TTC8: variants seen among roughly 807,000 people sequenced by gnomAD.
The protein encoded by TTC8 is tetratricopeptide repeat protein 8.
A neutral mutation model predicts 72.5 loss-of-function variants in TTC8; 47 were observed. That is an observed-to-expected ratio of 0.65 (90% confidence interval 0.51 to 0.83). The LOEUF (loss-of-function observed/expected upper bound fraction) is 0.83, where lower values mean the gene tolerates loss of function less well. TTC8 is among the 40% of genes least tolerant of loss of function. The probability of loss-of-function intolerance (pLI) is 0.00; values close to 1 mark genes in which losing one functional copy is unlikely to be tolerated. For synonymous variants in TTC8, 199 were observed against 221.4 expected (o/e 0.90, Z 0.90); for missense variants, 611 against 623.2 (o/e 0.98, Z 0.21).
intron 1 of TTC8, among the ~76,000 whole-genome samples, chr14:88,829,367 A>G (rs1297604287): frequency 6.6e-6 from 1 of 152,240 alleles, no homozygotes; most frequent in Non-Finnish European, 1.5e-5. Context: ...ACTGTGACCT[A>G]GAGAGAATGT....
chr14:88,825,875 AC>A (rs768480714), intron 1 of TTC8, among the ~76,000 whole-genome samples: 8 of 152,362 alleles, frequency 5.3e-5, no homozygotes, highest in Non-Finnish European at 7.3e-5. Flanking sequence ...AGAACAGCCT[AC>A]GTTAGTGGTA....
intron 2 of TTC8, among the ~76,000 whole-genome samples, chr14:88,837,323 C>T (rs2094757376): frequency 6.6e-6 from 1 of 152,130 alleles, no homozygotes; most frequent in Non-Finnish European, 1.5e-5. Context: ...CCGCTGGGCC[C>T]AATTCTTCAC....
chr14:88,840,755 T>C (rs1467795876), intron 3 of TTC8, 110 bp from the exon 4 acceptor site: 3 of 1,008,520 alleles, frequency 3.0e-6, no homozygotes, highest in East Asian at 2.6e-5. Flanking sequence ...CATTTCTTGC[T>C]ATTAATGTCT....
intron 1 of TTC8, among the ~76,000 whole-genome samples, chr14:88,829,713 G>A (rs2140954163): frequency 6.6e-6 from 1 of 152,134 alleles, no homozygotes; most frequent in East Asian, 1.9e-4. Flanking sequence ...AATGAGAGAT[G>A]TTACAGAGAG....
intron 2 of TTC8, among the ~76,000 whole-genome samples, chr14:88,838,452 G>A (rs1467935546): frequency 6.6e-6 from 1 of 152,086 alleles, no homozygotes; most frequent in African/African-American, 2.4e-5. Flanking sequence ...CCTTCACTGA[G>A]CCTGCTTGAC....
chr14:88,862,541 C>CATATATATATATAT (rs71130022), intron 10 of TTC8, among the ~76,000 whole-genome samples: 8 of 23,812 alleles, frequency 3.4e-4, no homozygotes, highest in Non-Finnish European at 4.9e-4. Flanking sequence ...TCTCTCTCTC[C>CATATATATATATAT]ATATATATAT....
At chr14:88,838,877 A>G (rs890357510) in intron 2 of TTC8, among the ~76,000 whole-genome samples, 1 of 152,192 alleles carries the variant, frequency 6.6e-6, no homozygotes, top group Non-Finnish European at 1.5e-5. Flanking sequence ...TTCAACCAAC[A>G]TTTCTTGAAT....
Position 88,871,544 on chromosome 14 carries a change from A to T in TTC8, c.1050-5A>T, listed in dbSNP as rs754282465. The T allele has an allele frequency of 2.4e-5, 38 of 1,613,234 alleles. No homozygotes were observed. Among genetic ancestry groups the T allele is most frequent in the Non-Finnish European group, 3.2e-5 (38 of 1,179,904 alleles). Reference sequence around the variant, plus strand: ...ACCAAAATTTGTGTGTTCTTTTTTGAAAAGGCGGCTGCTGCAGATGGGCAT... The same window carrying T: ...ACCAAAATTTGTGTGTTCTTTTTTGTAAAGGCGGCTGCTGCAGATGGGCAT... On this transcript the variant is annotated splice_region_variant and splice_polypyrimidine_tract_variant and intron_variant, in intron 11 of 14. Transcript: ENST00000380656. The surrounding 1 kb of genome is among the most constrained non-coding windows in gnomAD (Gnocchi z 4.1).
chr14:88,835,278 C>G (rs2094745512), intron 2 of TTC8, among the ~76,000 whole-genome samples: 1 of 152,166 alleles, frequency 6.6e-6, no homozygotes, highest in South Asian at 2.1e-4. Flanking sequence ...ACATGCTTTG[C>G]TCAGTCAGCA....
At chr14:88,839,659 T>TCC in intron 3 of TTC8, 87 bp downstream of exon 3, 2 of 1,423,622 alleles carry the variant, frequency 1.4e-6, no homozygotes, top group Non-Finnish European at 2.0e-6. Context: ...GCCTATATAT[T>TCC]TCTACACTTT....
chr14:88,874,587 T>C (rs2094948994), intron 13 of TTC8, among the ~76,000 whole-genome samples: 1 of 152,114 alleles, frequency 6.6e-6, no homozygotes, highest in South Asian at 2.1e-4. Flanking sequence ...TTTACAATGG[T>C]TTTTTTGGTT....
intron 7 of TTC8, among the ~76,000 whole-genome samples, chr14:88,844,758 C>T (rs564573139): frequency 1.7e-4 from 26 of 151,800 alleles, no homozygotes; most frequent in African/African-American, 6.0e-4. Context: ...CCCTATGTTT[C>T]CCAGGCTGGT....
Position 88,871,601 on chromosome 14 carries a change from C to G in TTC8, c.1102C>G (p.Leu368Val). ...YNGQLFNNLG[L>V]CCFYAQQYDM... Reference sequence around the variant, plus strand: ...CGGCCAGCTTTTTAACAATCTGGGGCTGTGTTGCTTCTATGCCCAGCAGTA... The same window carrying G: ...CGGCCAGCTTTTTAACAATCTGGGGGTGTGTTGCTTCTATGCCCAGCAGTA... The change falls in exon 12 of 15, where the codon CTG (leucine) becomes GTG (valine). Residue 368 changes from leucine (L) to valine (V), a missense_variant. Leu to Val is a conservative substitution (Grantham distance 32). Coordinates refer to ENST00000380656, the MANE Select transcript of TTC8 (RefSeq NM_144596.4). This position sits in a 1 kb window ranked among gnomAD's most constrained non-coding sequence, Gnocchi z 4.1. The G allele has an allele frequency of 6.2e-7, 1 of 1,614,036 alleles. No individual in the cohort carries two copies. Among genetic ancestry groups the G allele is most frequent in the East Asian group, 2.2e-5 (1 of 44,866 alleles).
intron 7 of TTC8, 31 bp from the exon 8 acceptor site, chr14:88,852,940 A>G: frequency 6.4e-7 from 1 of 1,573,866 alleles, no homozygotes; most frequent in Non-Finnish European, 8.7e-7. Context: ...TAGAAAAGAA[A>G]ATACTAATCT....
Position 88,824,835 on chromosome 14 carries a change from C to A in TTC8, c.114+14C>A. The A allele has an allele frequency of 6.2e-7, 1 of 1,604,090 alleles. No homozygotes were observed. Among genetic ancestry groups the A allele is most frequent in the Non-Finnish European group, 8.5e-7 (1 of 1,172,900 alleles). On this transcript the variant is annotated intron_variant, in intron 1 of 14. Coordinates refer to ENST00000380656, the MANE Select transcript of TTC8 (RefSeq NM_144596.4). Reference sequence around the variant, plus strand: ...CCTTATGACCAGGTACCGGCCAGCTCCCGTCAGCCTGTGCATCCTGACGCT... The same window carrying A: ...CCTTATGACCAGGTACCGGCCAGCTACCGTCAGCCTGTGCATCCTGACGCT...
Position 88,873,919 on chromosome 14 carries a change from A to G in TTC8, c.1348-1107A>G, listed in dbSNP as rs113747209. On this transcript the variant is annotated intron_variant, in intron 13 of 14. Transcript: ENST00000380656. ...ACATTAGCCTGGTCTTCTAAGCACA[A>G]TGATAAACTTTTAACAACAACAAGG... 2.1e-3 allele frequency among the ~76,000 whole-genome samples: 326 copies of G among 152,292 alleles called. 1 individual carries two copies. Among genetic ancestry groups the G allele is most frequent in the Non-Finnish European group, 1.6e-3 (108 of 68,024 alleles).
chr14:88,847,592 CT>C (rs1224149657), intron 7 of TTC8, among the ~76,000 whole-genome samples: 4 of 151,876 alleles, frequency 2.6e-5, no homozygotes, highest in Non-Finnish European at 4.4e-5. Flanking sequence ...TGTCTGGGGA[CT>C]TTATTTTAGA....
chr14:88,869,647 A>G (rs1305076487), intron 10 of TTC8, among the ~76,000 whole-genome samples: 2 of 152,006 alleles, frequency 1.3e-5, no homozygotes, highest in African/African-American at 2.4e-5. Context: ...TCAGGCTCAT[A>G]CATTTGCTCT....
intron 2 of TTC8, chr14:88,833,993 T>C: frequency 2.1e-6 from 1 of 470,062 alleles, no homozygotes; most frequent in South Asian, 2.5e-5. Flanking sequence ...ATTAGAAGGA[T>C]ATGAAAAATA....
Sources: gnomAD v4.1 joint callset for allele counts (sites outside exome capture counted in the v4.1 genomes callset) on GRCh38, gnomAD v4.1.1 for gene constraint, Gnocchi (gnomAD v3.1) non-coding constraint, MANE v1.5 for transcripts, NCBI Gene and HGNC (gene_info 2026-07-23, HGNC 2026-07-21) for gene names.